The following GRID2 variants were observed in gnomAD, a reference collection of about 807,000 sequenced individuals.
GRID2 encodes the protein glutamate receptor ionotropic, delta-2.
GRID2 carries 33 observed loss-of-function variants against 114.8 expected under a neutral mutation model. The ratio of observed to expected loss-of-function variants is 0.29; its 90% CI spans 0.22 to 0.38. The LOEUF (loss-of-function observed/expected upper bound fraction) is 0.38. GRID2 is among the 10% of genes least tolerant of loss of function. The pLI, the probability that GRID2 is intolerant of heterozygous loss-of-function variation, is 1.00. For synonymous variants in GRID2, 505 were observed against 449.9 expected (o/e 1.12, Z -1.55); for missense variants, 1,184 against 1,257.7 (o/e 0.94, Z 0.89).
chr4:92,646,189 A>C (rs2149257565), intron 2 of GRID2, among the ~76,000 whole-genome samples: 2 of 6,520 alleles, frequency 3.1e-4, no homozygotes, highest in Admixed American at 2.7e-3. Flanking sequence ...TATAATTAAT[A>C]ATGTGCCATG....
chr4:92,383,864 ATACATTGTTCCTTGTTGC>A (rs140790095), intron 1 of GRID2, among the ~76,000 whole-genome samples: 12,138 of 152,008 alleles, frequency 0.08, 622 homozygotes, highest in Middle Eastern at 0.13. Flanking sequence ...CTTTAAGTCT[ATACATTGTTCCTTGTTGC>A]TGTTAAAGTT....
At chr4:93,732,398 A>G (rs1336505243) in intron 14 of GRID2, among the ~76,000 whole-genome samples, 1 of 152,186 alleles carries the variant, frequency 6.6e-6, no homozygotes, top group Admixed American at 6.5e-5. Flanking sequence ...ATGCACAATC[A>G]ATGTAAAGTA....
At chr4:93,210,338 AG>A (rs1221222144) in intron 5 of GRID2, among the ~76,000 whole-genome samples, 2 of 152,070 alleles carry the variant, frequency 1.3e-5, no homozygotes, top group African/African-American at 2.4e-5. Context: ...TTATTATTAA[AG>A]GAAAGCGTCC....
chr4:93,030,812 G>C (rs893222650), intron 2 of GRID2, among the ~76,000 whole-genome samples: 3 of 151,830 alleles, frequency 2.0e-5, no homozygotes, highest in African/African-American at 7.3e-5. Flanking sequence ...TGGAGACAGA[G>C]GAAGGGGATG....
At chr4:92,768,611 G>A (rs1402547066) in intron 2 of GRID2, among the ~76,000 whole-genome samples, 1 of 152,152 alleles carries the variant, frequency 6.6e-6, no homozygotes, top group Admixed American at 6.6e-5. Flanking sequence ...ACAAAATAAA[G>A]AGGTTTATTG....
intron 2 of GRID2, among the ~76,000 whole-genome samples, chr4:92,900,536 A>G (rs192557843): frequency 2.0e-5 from 3 of 152,348 alleles, no homozygotes; most frequent in Admixed American, 2.0e-4. Context: ...TTCACTTAAG[A>G]TAATGGCTTC....
At chr4:93,034,927 C>A (rs761760087) in intron 2 of GRID2, among the ~76,000 whole-genome samples, 1 of 152,164 alleles carries the variant, frequency 6.6e-6, no homozygotes, top group African/African-American at 2.4e-5. Flanking sequence ...AGTATACATT[C>A]TTTCAGTCGT....
intron 8 of GRID2, among the ~76,000 whole-genome samples, chr4:93,328,467 G>A (rs540779914): frequency 1.6e-4 from 25 of 152,210 alleles, no homozygotes; most frequent in South Asian, 6.2e-4. Context: ...TCTTTTAGGG[G>A]CATTTCCTTA....
rs570473608 is a variant in GRID2, at chr4:93,324,939, TA to T, written c.1246-70667del. The stretch of plus-strand genomic sequence containing the variant: ...GATTCTTCTCTCTTTTCTTCTTTAT[TA>T]GTCTTGCTAGCGGTCTATCAATTTT... On this transcript the variant is annotated intron_variant, in intron 8 of 15. Coordinates refer to ENST00000282020, the MANE Select transcript of GRID2 (RefSeq NM_001510.4). Among the ~76,000 whole-genome samples the T allele has an allele frequency of 2.8e-3, 424 of 152,262 alleles. 2 individuals carry two copies. The highest frequency in any genetic ancestry group is 0.017 in the Middle Eastern group (5 of 294).
chr4:92,859,457 T>G (rs968497363), intron 2 of GRID2, among the ~76,000 whole-genome samples: 12 of 152,162 alleles, frequency 7.9e-5, no homozygotes, highest in Admixed American at 3.3e-4. Flanking sequence ...ATCCAGAATA[T>G]CTTTGAGGTC....
chr4:93,548,117 C>T (rs1349066171), intron 13 of GRID2, among the ~76,000 whole-genome samples: 2 of 151,904 alleles, frequency 1.3e-5, no homozygotes, highest in African/African-American at 4.8e-5. Context: ...ACGGAGGTTG[C>T]GGTGAGCCGA....
chr4:92,682,682 G>GCACACACACACACACA (rs57217377), intron 2 of GRID2, among the ~76,000 whole-genome samples: 8 of 142,810 alleles, frequency 5.6e-5, no homozygotes, highest in East Asian at 4.2e-4. Context: ...AAATCGCAGG[G>GCACACACACACACACA]CACACACACA....
intron 8 of GRID2, among the ~76,000 whole-genome samples, chr4:93,341,960 T>C (rs1759701962): frequency 6.6e-6 from 1 of 152,230 alleles, no homozygotes; most frequent in African/African-American, 2.4e-5. Flanking sequence ...TTTATCCAGA[T>C]CTACTCTCTT....
chr4:93,770,586 A>AGC (rs1734027235), intron 15 of GRID2, among the ~76,000 whole-genome samples: 1 of 152,214 alleles, frequency 6.6e-6, no homozygotes, highest in African/African-American at 2.4e-5. Context: ...TACCTGTGTG[A>AGC]ATGAGCATAC....
Position 92,754,205 on chromosome 4 carries a change from T to C in GRID2, c.244+163919T>C, listed in dbSNP as rs188239166. Among the ~76,000 whole-genome samples the C allele has an allele frequency of 2.5e-3, 386 of 152,310 alleles. 1 individual carries two copies. The highest frequency in any genetic ancestry group is 0.024 in the Middle Eastern group (7 of 294). ...TAAACTACAGTGCCCAGACATTTCA[T>C]AGTCCTGTGAATACTGAGGGCTTAG... On this transcript the variant is annotated intron_variant, in intron 2 of 15. Coordinates refer to ENST00000282020, the MANE Select transcript of GRID2 (RefSeq NM_001510.4).
Position 92,760,540 on chromosome 4 carries a change from G to A in GRID2, c.244+170254G>A, listed in dbSNP as rs1485268279. On this transcript the variant is annotated intron_variant, in intron 2 of 15. Coordinates refer to ENST00000282020, the MANE Select transcript of GRID2 (RefSeq NM_001510.4). ...CCAATCCAGCTTCAGGGTTGCTTCAGGGTTGCCCAAGGTCTTACTGTGACT... is the reference window on the plus strand; with the variant it reads ...CCAATCCAGCTTCAGGGTTGCTTCAAGGTTGCCCAAGGTCTTACTGTGACT... 3.9e-5 allele frequency among the ~76,000 whole-genome samples: 6 copies of A among 152,094 alleles called. No individual in the cohort carries two copies. The East Asian group carries it at 1.2e-3, about 29-fold the overall frequency.
At chr4:92,734,721 T>A (rs1736505243) in intron 2 of GRID2, among the ~76,000 whole-genome samples, 1 of 152,106 alleles carries the variant, frequency 6.6e-6, no homozygotes, top group Non-Finnish European at 1.5e-5. Context: ...ACAATATATG[T>A]ATTTTAACTA....
At position 92,477,038 on chromosome 4, in the gene GRID2, CATGTGTGTGTGTGTGT is replaced by C. The variant is rs1243859444; in HGVS notation, c.89-113092_89-113077del. The stretch of plus-strand genomic sequence containing the variant: ...ATGGCTAAACTATTTGATTTAACTT[CATGTGTGTGTGTGTGT>C]GTGTGTGTGTGTGTGTGTGTGTGTG... On this transcript the variant is annotated intron_variant, in intron 1 of 15. Transcript: ENST00000282020. 4.4e-3 allele frequency among the ~76,000 whole-genome samples: 461 copies of C among 104,882 alleles called. 4 individuals are homozygous for C. The highest frequency in any genetic ancestry group is 0.013 in the African/African-American group (392 of 29,954). The allele number at this position is 104,882 out of a possible 152,430, so 68.8% of individuals were successfully genotyped here. A position where few individuals can be genotyped will look rare whatever the true frequency, so the allele number is the denominator to read the frequency against.
chr4:93,703,072 T>C (rs576290459), intron 14 of GRID2, among the ~76,000 whole-genome samples: 2 of 152,270 alleles, frequency 1.3e-5, no homozygotes, highest in East Asian at 3.9e-4. Context: ...ACTGGTTAAC[T>C]TGTGTTAGAT....
Sources: gnomAD v4.1 joint callset for allele counts (sites outside exome capture counted in the v4.1 genomes callset) on GRCh38, gnomAD v4.1.1 for gene constraint, MANE v1.5 for transcripts, NCBI Gene and HGNC (gene_info 2026-07-23, HGNC 2026-07-21) for gene names.